Variants in FKBP5 observed in about 807,000 individuals in gnomAD.
FKBP5 encodes the protein FKBP prolyl isomerase 5.
In FKBP5, 23 loss-of-function variants were observed where a neutral mutation model predicts 50.5. The observed-to-expected ratio is 0.46, with a 90% CI of 0.33 to 0.65. FKBP5 has a LOEUF of 0.65. Among genes scored for constraint, FKBP5 ranks in the 30% least tolerant of loss-of-function variants. The probability of loss-of-function intolerance (pLI) is 0.02; values close to 1 mark genes in which losing one functional copy is unlikely to be tolerated. For missense variants in FKBP5, 411 were observed against 553.1 expected, an observed-to-expected ratio of 0.74 and a Z score of 2.58; for synonymous variants, 176 against 190.6, an observed-to-expected ratio of 0.92 and a Z score of 0.63.
At chr6:35,692,721 G>A (rs1186368163), upstream of FKBP5, among the ~76,000 whole-genome samples, 4 of 150,462 alleles carry the variant, frequency 2.7e-5, no homozygotes, top group East Asian at 7.9e-4. Flanking sequence ...AACCCAGACG[G>A]TGGAAGTTGC....
At chr6:35,658,079 A>C (rs1765003725) in intron 1 of FKBP5, among the ~76,000 whole-genome samples, 1 of 151,034 alleles carries the variant, frequency 6.6e-6, no homozygotes, top group South Asian at 2.1e-4. Context: ...AAAAAAAAAA[A>C]AAAAATACAA....
chr6:35,666,187 G>A (rs1026080453), intron 1 of FKBP5, among the ~76,000 whole-genome samples: 1 of 151,864 alleles, frequency 6.6e-6, no homozygotes, highest in Non-Finnish European at 1.5e-5. Context: ...CAAAATTAAA[G>A]TGTGTACAGT....
intron 5 of FKBP5, among the ~76,000 whole-genome samples, chr6:35,604,450 T>C (rs1763244900): frequency 6.6e-6 from 1 of 152,248 alleles, no homozygotes. Flanking sequence ...TTACATTATT[T>C]TGTGAAAACA....
chr6:35,594,685 T>G (rs745328200), intron 6 of FKBP5, among the ~76,000 whole-genome samples: 1 of 152,078 alleles, frequency 6.6e-6, no homozygotes, highest in Non-Finnish European at 1.5e-5. Context: ...CGCACACACA[T>G]ATATAGCATG....
chr6:35,604,675 GT>G (rs1455885932), intron 5 of FKBP5, among the ~76,000 whole-genome samples: 2 of 152,090 alleles, frequency 1.3e-5, no homozygotes, highest in Admixed American at 6.5e-5. Flanking sequence ...GCTAGATACT[GT>G]TGTTGTTCTC....
At chr6:35,601,503 C>T (rs183665971) in intron 5 of FKBP5, among the ~76,000 whole-genome samples, 21 of 152,270 alleles carry the variant, frequency 1.4e-4, no homozygotes, top group African/African-American at 4.6e-4. Context: ...GCCCTGATTG[C>T]AGTAACAGAT....
At chr6:35,595,987 G>A (rs551394147) in intron 6 of FKBP5, among the ~76,000 whole-genome samples, 18 of 152,186 alleles carry the variant, frequency 1.2e-4, no homozygotes, top group Admixed American at 2.6e-4. Flanking sequence ...CCTCAGTGAC[G>A]GCTATGAAGA....
intron 3 of FKBP5, among the ~76,000 whole-genome samples, chr6:35,635,705 TA>T (rs559541848): frequency 1.7e-4 from 25 of 150,164 alleles, no homozygotes; most frequent in South Asian, 6.3e-4. Context: ...TTTTCCAAAA[TA>T]AAAAAAAAAT....
At chr6:35,698,105 G>A (rs762911684) in intron 2 of FKBP5, among the ~76,000 whole-genome samples, 9 of 152,132 alleles carry the variant, frequency 5.9e-5, no homozygotes, top group Non-Finnish European at 1.0e-4. Context: ...CGCTTTGGGA[G>A]GCCAAGGTGG....
At chr6:35,584,955 G>C (rs1318245569) in intron 8 of FKBP5, 1 of 985,282 alleles carries the variant, frequency 1.0e-6, no homozygotes, top group Non-Finnish European at 1.2e-6. Flanking sequence ...TTCTGCTACT[G>C]ATCACTAATT....
chr6:35,698,122 C>A (rs1022279886), intron 2 of FKBP5, among the ~76,000 whole-genome samples: 4 of 152,072 alleles, frequency 2.6e-5, no homozygotes, highest in African/African-American at 9.7e-5. Flanking sequence ...GTGGGTGAAT[C>A]ACCTGATGTC....
In FKBP5 at chr6:35,591,141, T is replaced by C; in HGVS notation, c.745A>G (p.Ser249Gly). 6.2e-7 allele frequency: 1 copy of C among 1,610,076 alleles called. No homozygotes were observed. The highest frequency in any genetic ancestry group is 8.5e-7 in the Non-Finnish European group (1 of 1,177,914). ...TGGTATTTTCTCACCTTTTCGAAGCTCTTAAGTGTAACTTCATATATAAGC... is the reference window on the plus strand; with the variant it reads ...TGGTATTTTCTCACCTTTTCGAAGCCCTTAAGTGTAACTTCATATATAAGC... ...AELIYEVTLKSFEKAKESWEM... is the reference protein window; with the variant it reads ...AELIYEVTLKGFEKAKESWEM... The change falls in exon 7 of 11, where the codon AGC (serine) becomes GGC (glycine). Residue 249 changes from serine to glycine, a missense_variant. Physicochemically the swap from Ser to Gly is moderately conservative, Grantham distance 56. Around this residue, in one of 3 missense-constraint regions of FKBP5, gnomAD observed 267 missense variants for 405.9 expected, o/e 0.66. Transcript: ENST00000357266.
At chr6:35,596,848 G>A (rs1207361104) in intron 6 of FKBP5, among the ~76,000 whole-genome samples, 2 of 152,070 alleles carry the variant, frequency 1.3e-5, no homozygotes, top group African/African-American at 4.8e-5. Context: ...ACAAGTTCAA[G>A]TGGTAGTAAA....
Position 35,580,061 on chromosome 6 carries a change from G to T in FKBP5, c.1001C>A (p.Thr334Asn). ...CTTGTCACAGCATTCAACAGCTTTG[G>T]TGTATTCTCTAAGCTTCAGGTAGCA... Reference protein sequence around the residue: ...AMCYLKLREYTKAVECCDKAL... With the variant: ...AMCYLKLREYNKAVECCDKAL... The change falls in exon 9 of 11, where the codon ACC (threonine) becomes AAC (asparagine). Residue 334 changes from threonine to asparagine, a missense_variant. Around this residue, in one of 3 missense-constraint regions of FKBP5, gnomAD observed 267 missense variants for 405.9 expected, o/e 0.66. Coordinates refer to ENST00000357266, the MANE Select transcript of FKBP5 (RefSeq NM_004117.4). 1 of 1,614,066 alleles carries T rather than the reference G, an allele frequency of 6.2e-7. No individual in the cohort carries two copies. Among genetic ancestry groups the T allele is most frequent in the Non-Finnish European group, 8.5e-7 (1 of 1,179,928 alleles).
At chr6:35,644,399 CTTA>C (rs1764574982) in intron 1 of FKBP5, among the ~76,000 whole-genome samples, 1 of 152,218 alleles carries the variant, frequency 6.6e-6, no homozygotes, top group South Asian at 2.1e-4. Flanking sequence ...CAGAAAATGT[CTTA>C]TTGATACAAC....
At chr6:35,603,607 C>G (rs1763212333) in intron 5 of FKBP5, among the ~76,000 whole-genome samples, 1 of 148,194 alleles carries the variant, frequency 6.7e-6, no homozygotes, top group Non-Finnish European at 1.5e-5. Flanking sequence ...TTTTTTAATA[C>G]TATTCTAAAA....
chr6:35,629,271 A>G (rs1275515570), intron 3 of FKBP5, among the ~76,000 whole-genome samples: 1 of 151,576 alleles, frequency 6.6e-6, no homozygotes, highest in African/African-American at 2.4e-5. Context: ...ACGCCTGGCT[A>G]ATTTTTGTAT....
At chr6:35,670,681 A>C (rs1051202396) in intron 1 of FKBP5, among the ~76,000 whole-genome samples, 3 of 151,692 alleles carry the variant, frequency 2.0e-5, no homozygotes, top group Non-Finnish European at 4.4e-5. Flanking sequence ...GCAGTGAGAA[A>C]AGATCGTGCC....
chr6:35,643,806 T>C (rs921307320), intron 1 of FKBP5, among the ~76,000 whole-genome samples: 2 of 152,236 alleles, frequency 1.3e-5, no homozygotes, highest in African/African-American at 2.4e-5. Flanking sequence ...TCTCGATTTG[T>C]TGTCTGTAAG....
Sources: allele counts gnomAD v4.1 joint callset (sites outside exome capture counted in the v4.1 genomes callset), GRCh38; gene constraint gnomAD v4.1.1; regional missense constraint gnomAD v4.1.1; transcripts MANE v1.5; gene names NCBI Gene and HGNC (gene_info 2026-07-23, HGNC 2026-07-21).